Variants in DPYD observed in about 807,000 individuals in gnomAD.
DPYD encodes the protein dihydropyrimidine dehydrogenase.
DPYD carries 109 observed loss-of-function variants against 116.2 expected under a neutral mutation model. The ratio of observed to expected loss-of-function variants is 0.94; its 90% CI spans 0.80 to 1.10. The LOEUF is 1.10. Among genes scored for constraint, DPYD ranks in the 50% least tolerant of loss-of-function variants. The probability of loss-of-function intolerance (pLI) is 0.00; values close to 1 mark genes in which losing one functional copy is unlikely to be tolerated. For missense variants in DPYD, 1,302 were observed against 1,254.5 expected, an observed-to-expected ratio of 1.04 and a Z score of -0.57; for synonymous variants, 440 against 432.0, an observed-to-expected ratio of 1.02 and a Z score of -0.23.
intron 10 of DPYD, among the ~76,000 whole-genome samples, chr1:97,592,842 A>T (rs1654615928): frequency 6.6e-6 from 1 of 152,208 alleles, no homozygotes; most frequent in African/African-American, 2.4e-5. Flanking sequence ...GGCTTACGGA[A>T]AATTCCGTAT....
chr1:97,124,532 C>T (rs565895912), intron 20 of DPYD, among the ~76,000 whole-genome samples: 4 of 152,154 alleles, frequency 2.6e-5, no homozygotes, highest in African/African-American at 9.6e-5. Flanking sequence ...ATAATCTGTG[C>T]TTTGTATTTT....
At chr1:97,783,726 T>A (rs1666876147) in intron 3 of DPYD, among the ~76,000 whole-genome samples, 1 of 152,212 alleles carries the variant, frequency 6.6e-6, no homozygotes, top group Admixed American at 6.5e-5. Context: ...TAAGGAGGCA[T>A]CATTTACCAG....
At chr1:97,180,140 C>T (rs902242315) in intron 20 of DPYD, among the ~76,000 whole-genome samples, 14 of 151,546 alleles carry the variant, frequency 9.2e-5, no homozygotes, top group Admixed American at 3.9e-4. Context: ...AAATTAAATC[C>T]CCCTTTTATT....
chr1:97,187,864 C>G (rs1205443100), intron 20 of DPYD, among the ~76,000 whole-genome samples: 6 of 152,068 alleles, frequency 3.9e-5, no homozygotes, highest in Non-Finnish European at 8.8e-5. Context: ...TCAACTTTGT[C>G]AAAGGTCAGT....
At chr1:97,360,811 A>G (rs1460652255) in intron 16 of DPYD, among the ~76,000 whole-genome samples, 3 of 152,348 alleles carry the variant, frequency 2.0e-5, no homozygotes, top group African/African-American at 7.2e-5. Flanking sequence ...AGCAGTGTGT[A>G]GAGAGAAATT....
At chr1:97,556,350 GA>G (rs1212837432) in intron 11 of DPYD, among the ~76,000 whole-genome samples, 1 of 149,730 alleles carries the variant, frequency 6.7e-6, no homozygotes, top group Non-Finnish European at 1.5e-5. Flanking sequence ...ATTTTATTAT[GA>G]TTTTTTTCTT....
chr1:97,645,261 G>A (rs1658188453), intron 8 of DPYD, among the ~76,000 whole-genome samples: 1 of 152,034 alleles, frequency 6.6e-6, no homozygotes, highest in South Asian at 2.1e-4. Context: ...AATTGTATAG[G>A]AGTGTCTATT....
chr1:97,858,457 T>C (rs1670958540), intron 2 of DPYD, among the ~76,000 whole-genome samples: 1 of 152,172 alleles, frequency 6.6e-6, no homozygotes, highest in South Asian at 2.1e-4. Flanking sequence ...TAAATGCAGC[T>C]TATTTAAAAG....
chr1:97,594,461 A>G (rs970573214), intron 9 of DPYD, among the ~76,000 whole-genome samples: 1 of 152,190 alleles, frequency 6.6e-6, no homozygotes, highest in Admixed American at 6.5e-5. Flanking sequence ...CATGTAATTA[A>G]TGTAGGAATA....
intron 4 of DPYD, among the ~76,000 whole-genome samples, chr1:97,732,423 C>T (rs1387730279): frequency 6.8e-6 from 1 of 146,776 alleles, no homozygotes; most frequent in Admixed American, 7.0e-5. Flanking sequence ...TTCAGTGAGC[C>T]GAGATTGTGC....
At chr1:97,355,072 A>G (rs1413586565) in intron 16 of DPYD, among the ~76,000 whole-genome samples, 2 of 152,212 alleles carry the variant, frequency 1.3e-5, no homozygotes, top group East Asian at 3.9e-4. Flanking sequence ...AAAATCATTT[A>G]TGAATTTATT....
At chr1:97,546,507 T>G in intron 12 of DPYD, 1 of 1,601,346 alleles carries the variant, frequency 6.2e-7, no homozygotes, top group East Asian at 2.2e-5. Flanking sequence ...ACAAAGATGA[T>G]GAAGCAGAGT....
At chr1:97,756,658 G>C (rs897594837) in intron 3 of DPYD, among the ~76,000 whole-genome samples, 4 of 151,984 alleles carry the variant, frequency 2.6e-5, no homozygotes, top group Non-Finnish European at 5.9e-5. Flanking sequence ...ACCCCACAGA[G>C]AGGAAATTGC....
At chr1:97,690,702 T>C (rs936208957) in intron 7 of DPYD, among the ~76,000 whole-genome samples, 12 of 152,006 alleles carry the variant, frequency 7.9e-5, no homozygotes, top group Non-Finnish European at 1.8e-4. Context: ...TTCTGTAAAA[T>C]AATCACCTCT....
chr1:97,753,210 T>C (rs1665033126), intron 3 of DPYD, among the ~76,000 whole-genome samples: 1 of 152,220 alleles, frequency 6.6e-6, no homozygotes, highest in African/African-American at 2.4e-5. Flanking sequence ...GATACTGTTG[T>C]TATTCTCATT....
At chr1:97,764,055 G>A (rs1665720298) in intron 3 of DPYD, among the ~76,000 whole-genome samples, 1 of 151,986 alleles carries the variant, frequency 6.6e-6, no homozygotes, top group Admixed American at 6.6e-5. Flanking sequence ...AACCTTTTGT[G>A]GTGAGAAGGA....
rs150671253 is a variant in DPYD, at chr1:97,462,446, G to A, written c.1741-12223C>T. Among the ~76,000 whole-genome samples the A allele has an allele frequency of 1.6e-3, 241 of 152,086 alleles. 5 individuals are homozygous for A. In the East Asian group the frequency reaches 0.042, roughly 27 times the overall value. ...AAAATTCTAAGCCCCCCAATCATAT[G>A]AATAGGCCCCCTCCTCTCAGTCAAG... is the stretch of plus-strand genomic sequence containing the variant. On this transcript the variant is annotated intron_variant, in intron 13 of 22. Coordinates refer to ENST00000370192, the MANE Select transcript of DPYD (RefSeq NM_000110.4).
chr1:97,592,029 C>G (rs1161931338), intron 10 of DPYD, among the ~76,000 whole-genome samples: 2 of 152,002 alleles, frequency 1.3e-5, no homozygotes, highest in Non-Finnish European at 2.9e-5. Context: ...CAATGGTGAC[C>G]CTGATATTTT....
At chr1:97,490,592 A>C (rs994039000) in intron 13 of DPYD, among the ~76,000 whole-genome samples, 11 of 150,182 alleles carry the variant, frequency 7.3e-5, no homozygotes, top group Non-Finnish European at 1.3e-4. Flanking sequence ...TTGGATGTTT[A>C]ATCTCTAGAA....
Sources: gnomAD v4.1 joint callset for allele counts (sites outside exome capture counted in the v4.1 genomes callset) on GRCh38, gnomAD v4.1.1 for gene constraint, MANE v1.5 for transcripts, NCBI Gene and HGNC (gene_info 2026-07-23, HGNC 2026-07-21) for gene names.